The following SNX27 variants were observed in gnomAD, a reference collection of about 807,000 sequenced individuals.
SNX27 encodes the protein sorting nexin-27.
In SNX27, 22 loss-of-function variants were observed where a neutral mutation model predicts 71.6. That is an observed-to-expected ratio of 0.31 (90% CI 0.22 to 0.44). SNX27 has a LOEUF of 0.44. SNX27 is among the 20% of genes least tolerant of loss of function. The pLI, the probability that SNX27 is intolerant of heterozygous loss-of-function variation, is 1.00. For missense variants in SNX27, 531 were observed against 698.6 expected (o/e 0.76, Z 2.70); for synonymous variants, 269 against 277.2 (o/e 0.97, Z 0.29).
chr1:151,687,447 T>C (rs1671230735), intron 8 of SNX27, among the ~76,000 whole-genome samples: 2 of 152,134 alleles, frequency 1.3e-5, no homozygotes, highest in African/African-American at 2.4e-5. Flanking sequence ...AGCACACTGG[T>C]GATTCTGGAA....
At chr1:151,625,281 A>C (rs1667873601) in intron 1 of SNX27, among the ~76,000 whole-genome samples, 1 of 152,148 alleles carries the variant, frequency 6.6e-6, no homozygotes, top group East Asian at 1.9e-4. Flanking sequence ...CCGAAGCGGC[A>C]GATCACTTGA....
At chr1:151,630,620 TTAAATC>T (rs1463716306) in intron 1 of SNX27, among the ~76,000 whole-genome samples, 1 of 152,206 alleles carries the variant, frequency 6.6e-6, no homozygotes, top group Non-Finnish European at 1.5e-5. Flanking sequence ...GAAATTTTGT[TTAAATC>T]TGTTCAAGCT....
At chr1:151,674,726 C>T (rs1398812512) in intron 7 of SNX27, among the ~76,000 whole-genome samples, 7 of 151,058 alleles carry the variant, frequency 4.6e-5, no homozygotes, top group African/African-American at 7.3e-5. Flanking sequence ...CTCGCTTTGT[C>T]GCCAGGCTAG....
chr1:151,692,688 C>T, intron 9 of SNX27, 104 bp downstream of exon 9: 1 of 1,506,750 alleles, frequency 6.6e-7, no homozygotes, highest in Non-Finnish European at 9.0e-7. Flanking sequence ...GAAATCAAAA[C>T]TGTATTTTGA....
At position 151,696,522 on chromosome 1, in the gene SNX27, G is replaced by GTTCTTTCGTTCTTTCGTTCT. The variant is rs1553267186; in HGVS notation, c.*2112_*2113insGTTCTTTCGTTCTTTCTTTC. On this transcript the variant is annotated 3_prime_UTR_variant, in exon 12 of 12. Transcript: ENST00000458013. ...CTTTCTTTCGTTCTTTCGTTCTTTC[G>GTTCTTTCGTTCTTTCGTTCT]TTCTTTCTTTCTTTCTTTCTTTCTC... 166 of 102,336 alleles carry GTTCTTTCGTTCTTTCGTTCT rather than the reference G, an allele frequency of 1.6e-3. 1 individual carries two copies. Among genetic ancestry groups the GTTCTTTCGTTCTTTCGTTCT allele is most frequent in the African/African-American group, 3.7e-3 (109 of 29,336 alleles). 6.3% of individuals were successfully genotyped at this position (102,336 alleles called of 1,614,324 possible).
intron 1 of SNX27, among the ~76,000 whole-genome samples, chr1:151,621,174 A>T (rs1667658799): frequency 6.6e-6 from 1 of 152,172 alleles, no homozygotes; most frequent in African/African-American, 2.4e-5. Context: ...TCACAAAGTG[A>T]ATTGTTGCTT....
intron 1 of SNX27, among the ~76,000 whole-genome samples, chr1:151,634,511 G>T (rs1395283871): frequency 1.3e-5 from 2 of 152,096 alleles, no homozygotes; most frequent in Admixed American, 6.5e-5. Context: ...TCCCTAGCTG[G>T]CCAACTTTGG....
At chr1:151,669,294 T>A (rs1670354434) in intron 7 of SNX27, 1 of 152,206 alleles carries the variant, frequency 6.6e-6, no homozygotes, top group African/African-American at 2.4e-5. Flanking sequence ...ATGCAGTGTT[T>A]ACAATATTAT....
chr1:151,640,312 C>T (rs1376608968), intron 2 of SNX27, among the ~76,000 whole-genome samples: 4 of 152,088 alleles, frequency 2.6e-5, no homozygotes, highest in African/African-American at 7.2e-5. Flanking sequence ...TTGGGAATTA[C>T]CTAAAACCTT....
chr1:151,655,845 A>G (rs1271166106), intron 2 of SNX27, among the ~76,000 whole-genome samples: 4 of 152,204 alleles, frequency 2.6e-5, no homozygotes, highest in African/African-American at 9.7e-5. Context: ...CTTGGCTTTA[A>G]AAGAAATGCC....
intron 1 of SNX27, among the ~76,000 whole-genome samples, chr1:151,628,142 G>T (rs1668033940): frequency 6.6e-6 from 1 of 151,786 alleles, no homozygotes; most frequent in Non-Finnish European, 1.5e-5. Context: ...GAGTAGCTGG[G>T]ATTACAGGCG....
rs772107789 is a variant in SNX27 at position 151,694,429 on chromosome 1, CCCCTT to C, written c.*24_*28del. On this transcript the variant is annotated 3_prime_UTR_variant, in exon 12 of 12. Transcript: ENST00000458013. ...ATGTGGCCACCTAGCCTTTCCTTAT[CCCCTT>C]CCCTTCCCTTCACCCCCATCCTCTT... The C allele has an allele frequency of 1.2e-5, 18 of 1,549,712 alleles. No homozygotes were observed. Among genetic ancestry groups the C allele is most frequent in the African/African-American group, 2.7e-5 (2 of 72,966 alleles).
rs564627158 is a variant in SNX27, at chr1:151,663,367, G to T, written c.906+1097G>T. ...GGGTTTCACTGTGTTAGCCAGGATG[G>T]TCTGAATCTCCTGACCTCATGATCC... On this transcript the variant is annotated intron_variant, in intron 5 of 11. Coordinates refer to ENST00000458013, the MANE Select transcript of SNX27 (RefSeq NM_001330723.2). Among the ~76,000 whole-genome samples, 7 of 152,122 alleles carry T rather than the reference G, an allele frequency of 4.6e-5. No individual in the cohort carries two copies. In the South Asian group the frequency reaches 1.5e-3, roughly 32 times the overall value.
intron 7 of SNX27, among the ~76,000 whole-genome samples, chr1:151,682,930 G>T (rs1190645303): frequency 6.6e-6 from 1 of 152,274 alleles, no homozygotes; most frequent in Admixed American, 6.5e-5. Context: ...AGCTACTCTG[G>T]AGGCTGAGGC....
At chr1:151,691,638 T>C (rs980805384) in intron 8 of SNX27, among the ~76,000 whole-genome samples, 7 of 151,682 alleles carry the variant, frequency 4.6e-5, no homozygotes, top group African/African-American at 1.7e-4. Flanking sequence ...GCTTGGCTAA[T>C]TTTTTGTATT....
chr1:151,631,325 T>C (rs778094990), intron 1 of SNX27, among the ~76,000 whole-genome samples: 1 of 152,184 alleles, frequency 6.6e-6, no homozygotes, highest in Non-Finnish European at 1.5e-5. Flanking sequence ...TAAGAAGATA[T>C]GTTGTGGAGA....
intron 2 of SNX27, among the ~76,000 whole-genome samples, chr1:151,646,403 T>C (rs1669033175): frequency 6.6e-6 from 1 of 151,988 alleles, no homozygotes; most frequent in African/African-American, 2.4e-5. Flanking sequence ...TTGCTATCTA[T>C]GTTGTATCAT....
At position 151,617,589 on chromosome 1, in the gene SNX27, G is replaced by T. The variant is rs147197889; in HGVS notation, c.311+5077G>T. Among the ~76,000 whole-genome samples the T allele has an allele frequency of 3.7e-3, 559 of 152,282 alleles. 17 individuals carry two copies. Among genetic ancestry groups the T allele is most frequent in the East Asian group, 0.011 (59 of 5,176 alleles). On this transcript the variant is annotated intron_variant, in intron 1 of 11. Coordinates refer to ENST00000458013, the MANE Select transcript of SNX27 (RefSeq NM_001330723.2). Reference sequence around the variant, plus strand: ...ATGAGCCACTGCGCCCAGTCAGTCTGTAGTGTTTTTACATCTGATCTTCAC... The same window carrying T: ...ATGAGCCACTGCGCCCAGTCAGTCTTTAGTGTTTTTACATCTGATCTTCAC...
At chr1:151,664,980 T>C (rs1190943810) in intron 5 of SNX27, among the ~76,000 whole-genome samples, 1 of 152,244 alleles carries the variant, frequency 6.6e-6, no homozygotes, top group Non-Finnish European at 1.5e-5. Flanking sequence ...ATGCTTATAA[T>C]GTCCAGTTCC....
Sources: allele counts gnomAD v4.1 joint callset (sites outside exome capture counted in the v4.1 genomes callset), GRCh38; gene constraint gnomAD v4.1.1; transcripts MANE v1.5; gene names NCBI Gene and HGNC (gene_info 2026-07-23, HGNC 2026-07-21).